The following PLXDC2 variants were observed in gnomAD, a reference collection of about 807,000 sequenced individuals.
The protein encoded by PLXDC2 is plexin domain containing 2.
Under a neutral mutation model 68.9 loss-of-function variants are expected in PLXDC2, and 40 were observed. The ratio of observed to expected loss-of-function variants is 0.58; its 90% confidence interval spans 0.45 to 0.76. PLXDC2 has a LOEUF of 0.76. PLXDC2 is among the 30% of genes least tolerant of loss of function. The pLI is 0.00. For synonymous variants in PLXDC2, 243 were observed against 234.2 expected (o/e 1.04, Z -0.34); for missense variants, 644 against 661.9 (o/e 0.97, Z 0.30).
intron 1 of PLXDC2, among the ~76,000 whole-genome samples, chr10:19,940,122 G>T (rs1286122510): frequency 2.6e-5 from 4 of 151,598 alleles, no homozygotes; most frequent in Non-Finnish European, 5.9e-5. Flanking sequence ...CTTATCATTG[G>T]GCAAATTCAT....
chr10:19,911,750 G>C (rs958792127), intron 1 of PLXDC2, among the ~76,000 whole-genome samples: 1 of 152,066 alleles, frequency 6.6e-6, no homozygotes, highest in Non-Finnish European at 1.5e-5. Flanking sequence ...ACCATGCCAA[G>C]ACACATACAG....
At chr10:20,239,423 G>A (rs906128101) in intron 12 of PLXDC2, among the ~76,000 whole-genome samples, 10 of 152,114 alleles carry the variant, frequency 6.6e-5, no homozygotes, top group African/African-American at 2.4e-4. Flanking sequence ...TGCATGGCTG[G>A]GGAGGCCTCA....
At chr10:19,853,364 A>G (rs1246125048) in intron 1 of PLXDC2, among the ~76,000 whole-genome samples, 1 of 151,974 alleles carries the variant, frequency 6.6e-6, no homozygotes, top group Non-Finnish European at 1.5e-5. Flanking sequence ...TTGCTATAAC[A>G]AATTTCTTCC....
intron 4 of PLXDC2, among the ~76,000 whole-genome samples, chr10:20,072,075 G>A (rs1836326214): frequency 6.6e-6 from 1 of 152,086 alleles, no homozygotes; most frequent in Non-Finnish European, 1.5e-5. Context: ...TGCCGGTCAT[G>A]GTGGCTCATG....
intron 4 of PLXDC2, among the ~76,000 whole-genome samples, chr10:20,124,081 C>T (rs566429079): frequency 7.2e-5 from 11 of 152,128 alleles, no homozygotes; most frequent in South Asian, 2.1e-4. Context: ...CACAGAAAAG[C>T]GGAACTTGCC....
At chr10:19,973,790 A>G (rs1564644361) in intron 1 of PLXDC2, among the ~76,000 whole-genome samples, 2 of 152,184 alleles carry the variant, frequency 1.3e-5, no homozygotes, top group Non-Finnish European at 2.9e-5. Context: ...AACACCCATC[A>G]TTATGGGGAC....
intron 4 of PLXDC2, among the ~76,000 whole-genome samples, chr10:20,133,116 T>A (rs563881993): frequency 2.9e-4 from 44 of 152,336 alleles, no homozygotes; most frequent in Middle Eastern, 3.4e-3. Context: ...TGTCTTCTCA[T>A]ATTTTTTGTA....
At chr10:19,863,437 A>G (rs889737551) in intron 1 of PLXDC2, among the ~76,000 whole-genome samples, 1 of 152,190 alleles carries the variant, frequency 6.6e-6, no homozygotes, top group Non-Finnish European at 1.5e-5. Context: ...GCTGCAAAGA[A>G]ATTATATTTG....
intron 12 of PLXDC2, among the ~76,000 whole-genome samples, chr10:20,221,908 T>A (rs1474122496): frequency 6.6e-6 from 1 of 152,238 alleles, no homozygotes; most frequent in Non-Finnish European, 1.5e-5. Flanking sequence ...TTTCTTGATT[T>A]AATTTATTTA....
chr10:19,850,604 C>T (rs1159101698), intron 1 of PLXDC2, among the ~76,000 whole-genome samples: 2 of 152,150 alleles, frequency 1.3e-5, no homozygotes, highest in African/African-American at 2.4e-5. Context: ...CACTTACACA[C>T]CCATACTAAG....
intron 1 of PLXDC2, among the ~76,000 whole-genome samples, chr10:19,851,152 C>T (rs553090734): frequency 1.3e-5 from 2 of 152,180 alleles, no homozygotes; most frequent in African/African-American, 4.8e-5. Flanking sequence ...AGATGGGGAA[C>T]AATTATTCTT....
chr10:19,978,621 TAG>T (rs1185732242), intron 1 of PLXDC2, among the ~76,000 whole-genome samples: 1 of 152,216 alleles, frequency 6.6e-6, no homozygotes, highest in African/African-American at 2.4e-5. Flanking sequence ...TAATGGTTGT[TAG>T]AGTTTCAGAA....
intron 10 of PLXDC2, among the ~76,000 whole-genome samples, chr10:20,215,158 A>C (rs1431919105): frequency 6.6e-6 from 1 of 152,152 alleles, no homozygotes; most frequent in Non-Finnish European, 1.5e-5. Context: ...TGGAGTTGTG[A>C]GGGAGGTGTC....
intron 12 of PLXDC2, among the ~76,000 whole-genome samples, chr10:20,243,995 GT>G (rs1835554716): frequency 6.6e-6 from 1 of 151,776 alleles, no homozygotes; most frequent in Non-Finnish European, 1.5e-5. Flanking sequence ...GGAGGTGGAG[GT>G]TGCAGTGAGC....
At chr10:19,940,558 A>AC (rs1833801691) in intron 1 of PLXDC2, among the ~76,000 whole-genome samples, 1 of 151,882 alleles carries the variant, frequency 6.6e-6, no homozygotes, top group East Asian at 1.9e-4. Context: ...CAAAAAAAAA[A>AC]AAACAAACAA....
intron 6 of PLXDC2, among the ~76,000 whole-genome samples, chr10:20,154,862 A>C (rs1051024811): frequency 6.6e-6 from 1 of 151,992 alleles, no homozygotes. Context: ...TAAAAATGTC[A>C]TATAATCCTA....
chr10:19,871,650 C>G (rs964871887), intron 1 of PLXDC2, among the ~76,000 whole-genome samples: 1 of 151,968 alleles, frequency 6.6e-6, no homozygotes, highest in African/African-American at 2.4e-5. Flanking sequence ...GAGGCTGAGG[C>G]AAGTGGATCA....
chr10:20,163,289 A>G (rs913072830), intron 6 of PLXDC2, among the ~76,000 whole-genome samples: 4 of 152,202 alleles, frequency 2.6e-5, no homozygotes, highest in African/African-American at 9.7e-5. Flanking sequence ...ATAATTCCAC[A>G]AATTCCAAAA....
intron 13 of PLXDC2, among the ~76,000 whole-genome samples, chr10:20,269,501 G>A (rs1228788874): frequency 1.3e-5 from 2 of 152,138 alleles, no homozygotes; most frequent in Non-Finnish European, 2.9e-5. Context: ...AAGCAGAGAG[G>A]AAGGGGAGAT....
Sources: allele counts gnomAD v4.1 joint callset (sites outside exome capture counted in the v4.1 genomes callset), GRCh38; gene constraint gnomAD v4.1.1; transcripts MANE v1.5; gene names NCBI Gene and HGNC (gene_info 2026-07-23, HGNC 2026-07-21).